BCKDHB: variants seen among roughly 807,000 people sequenced by gnomAD.
The protein encoded by BCKDHB is 2-oxoisovalerate dehydrogenase subunit beta, mitochondrial.
In BCKDHB, 41 loss-of-function variants were observed where a neutral mutation model predicts 48.5. The ratio of observed to expected loss-of-function variants is 0.85; its 90% CI spans 0.66 to 1.10. The LOEUF is 1.10. Ranked by LOEUF, BCKDHB falls within the 50% of genes least tolerant of loss-of-function variation. The pLI is 0.00. For synonymous variants in BCKDHB, 201 were observed against 174.8 expected (o/e 1.15, Z -1.18); for missense variants, 496 against 494.2 (o/e 1.00, Z -0.03).
rs147609364 is a variant in BCKDHB at position 80,120,861 on chromosome 6, G to A, written c.197-6686G>A. Among the ~76,000 whole-genome samples the A allele has an allele frequency of 4.9e-3, 746 of 152,236 alleles. 5 individuals carry two copies. The highest frequency in any genetic ancestry group is 0.017 in the African/African-American group (720 of 41,542). ...TATTTTGCCGTGCAGAAGCTCTTTA[G>A]TTTAATTAGATCCCCTTTGTCTATT... On this transcript the variant is annotated intron_variant, in intron 1 of 9. Coordinates refer to ENST00000320393, the MANE Select transcript of BCKDHB (RefSeq NM_183050.4).
intron 9 of BCKDHB, among the ~76,000 whole-genome samples, chr6:80,326,994 C>T (rs563166354): frequency 6.6e-6 from 1 of 152,116 alleles, no homozygotes; most frequent in Non-Finnish European, 1.5e-5. Context: ...CATATATATG[C>T]CTTCTTTGTT....
the BCKDHB span, among the ~76,000 whole-genome samples, chr6:80,450,795 T>A: frequency 1.3e-5 from 2 of 152,268 alleles, no homozygotes; most frequent in South Asian, 4.1e-4. Flanking sequence ...CCCAGTGGGA[T>A]TCCAAACGGG....
intron 9 of BCKDHB, among the ~76,000 whole-genome samples, chr6:80,299,590 G>T (rs573274653): frequency 6.6e-6 from 1 of 152,224 alleles, no homozygotes; most frequent in South Asian, 2.1e-4. Context: ...TTCCAACCAA[G>T]AATTTCATAT....
intron 3 of BCKDHB, among the ~76,000 whole-genome samples, chr6:80,164,854 A>C (rs1452346529): frequency 1.3e-5 from 2 of 152,194 alleles, no homozygotes; most frequent in Non-Finnish European, 2.9e-5. Context: ...GATGAATTGC[A>C]TTATAAGATA....
the BCKDHB span, among the ~76,000 whole-genome samples, chr6:80,382,629 T>G: frequency 3.3e-5 from 5 of 152,296 alleles, no homozygotes; most frequent in East Asian, 9.7e-4. Flanking sequence ...GGGGATTGAT[T>G]ATATTCTTCC....
the BCKDHB span, among the ~76,000 whole-genome samples, chr6:80,402,923 G>T: frequency 1.2e-4 from 18 of 151,706 alleles, no homozygotes; most frequent in African/African-American, 4.1e-4. Context: ...GATATGTGAA[G>T]GTTTATGTCT....
rs147668094 is a variant in BCKDHB, at chr6:80,120,617, G to C, written c.197-6930G>C. On this transcript the variant is annotated intron_variant, in intron 1 of 9. Coordinates refer to ENST00000320393, the MANE Select transcript of BCKDHB (RefSeq NM_183050.4). ...TTGCATTTCTCTGATGACCGGTGAT[G>C]ATAAGCATTTTCTCATGTGTCTGTT... Among the ~76,000 whole-genome samples, 261 of 152,320 alleles carry C rather than the reference G, an allele frequency of 1.7e-3. 1 individual carries two copies. The highest frequency in any genetic ancestry group is 6.0e-3 in the African/African-American group (251 of 41,572).
At chr6:80,424,235 T>C in the BCKDHB span, among the ~76,000 whole-genome samples, 1 of 152,194 alleles carries the variant, frequency 6.6e-6, no homozygotes, top group African/African-American at 2.4e-5. Flanking sequence ...GATTTTGGAA[T>C]TACTACCCAG....
At chr6:80,433,890 C>A in the BCKDHB span, among the ~76,000 whole-genome samples, 2 of 152,218 alleles carry the variant, frequency 1.3e-5, no homozygotes, top group Middle Eastern at 3.4e-3. Flanking sequence ...TAGGCTTTAT[C>A]ATATTTGGAA....
At chr6:80,281,437 A>G (rs1163610605) in intron 9 of BCKDHB, among the ~76,000 whole-genome samples, 1 of 152,222 alleles carries the variant, frequency 6.6e-6, no homozygotes, top group African/African-American at 2.4e-5. Context: ...AGAATTTAAG[A>G]CAGCTAAAGA....
chr6:80,111,968 G>T (rs558282684), intron 1 of BCKDHB, among the ~76,000 whole-genome samples: 1 of 152,200 alleles, frequency 6.6e-6, no homozygotes, highest in African/African-American at 2.4e-5. Context: ...CATACATACT[G>T]TGCAATGAAG....
the BCKDHB span, among the ~76,000 whole-genome samples, chr6:80,410,510 G>T: frequency 6.6e-6 from 1 of 152,132 alleles, no homozygotes; most frequent in Non-Finnish European, 1.5e-5. Flanking sequence ...CTAGTTTGGA[G>T]TTCTGCTGTA....
At chr6:80,220,812 G>T (rs572044502) in intron 8 of BCKDHB, among the ~76,000 whole-genome samples, 3 of 141,286 alleles carry the variant, frequency 2.1e-5, no homozygotes, top group Non-Finnish European at 4.5e-5. Flanking sequence ...TCTACTCACT[G>T]CAATCTCCAC....
At position 80,168,869 on chromosome 6, in the gene BCKDHB, C is replaced by G. The variant is rs879247086; in HGVS notation, c.478-6C>G. The G allele has an allele frequency of 6.2e-7, 1 of 1,613,674 alleles. No homozygotes were observed. Among genetic ancestry groups the G allele is most frequent in the South Asian group, 1.1e-5 (1 of 91,048 alleles). On this transcript the variant is annotated splice_region_variant and splice_polypyrimidine_tract_variant and intron_variant, in intron 4 of 9. Coordinates refer to ENST00000320393, the MANE Select transcript of BCKDHB (RefSeq NM_183050.4). Reference sequence around the variant, plus strand: ...GCCATGCCCCGTCTTTCTTTCTGACCCTCAGATTGTTAATGAAGCTGCCAA... The same window carrying G: ...GCCATGCCCCGTCTTTCTTTCTGACGCTCAGATTGTTAATGAAGCTGCCAA...
chr6:80,113,551 A>G (rs184143450), intron 1 of BCKDHB, among the ~76,000 whole-genome samples: 44 of 152,328 alleles, frequency 2.9e-4, no homozygotes, highest in African/African-American at 1.0e-3. Flanking sequence ...GGGAAAAGAG[A>G]AAAAAGCATT....
chr6:80,150,221 A>T (rs1334297381), intron 3 of BCKDHB, among the ~76,000 whole-genome samples: 1 of 152,060 alleles, frequency 6.6e-6, no homozygotes, highest in Non-Finnish European at 1.5e-5. Context: ...TGCTATCTAG[A>T]ATTCCTTTTA....
chr6:80,370,798 GTGTGTGTGTGTA>G, the BCKDHB span, among the ~76,000 whole-genome samples: 139 of 97,274 alleles, frequency 1.4e-3, 1 homozygote, highest in South Asian at 5.9e-3. Context: ...TATATAGCGT[GTGTGTGTGTGTA>G]TATATATATG....
chr6:80,398,080 G>C, the BCKDHB span, among the ~76,000 whole-genome samples: 1 of 152,108 alleles, frequency 6.6e-6, no homozygotes, highest in African/African-American at 2.4e-5. Context: ...AGTTAAGAGA[G>C]TGTTAAGAGA....
At chr6:80,279,246 C>T (rs968837525) in intron 9 of BCKDHB, among the ~76,000 whole-genome samples, 6 of 151,946 alleles carry the variant, frequency 3.9e-5, no homozygotes, top group South Asian at 2.1e-4. Flanking sequence ...CTCTGCCTCC[C>T]GGGTTCAAGT....
Sources: gnomAD v4.1 joint callset for allele counts (sites outside exome capture counted in the v4.1 genomes callset) on GRCh38, gnomAD v4.1.1 for gene constraint, MANE v1.5 for transcripts, NCBI Gene and HGNC (gene_info 2026-07-23, HGNC 2026-07-21) for gene names.